MAST4: variants seen among roughly 807,000 people sequenced by gnomAD.
MAST4 encodes the protein microtubule-associated serine/threonine-protein kinase 4.
In MAST4, 89 loss-of-function variants were observed where a neutral mutation model predicts 162.7. The ratio of observed to expected loss-of-function variants is 0.55; its 90% CI spans 0.46 to 0.65. MAST4 has a LOEUF of 0.65. Ranked by LOEUF, MAST4 falls within the 30% of genes least tolerant of loss-of-function variation. The probability of loss-of-function intolerance (pLI) is 0.00; values close to 1 mark genes in which losing one functional copy is unlikely to be tolerated. For synonymous variants in MAST4, 1,479 were observed against 1,361.1 expected (o/e 1.09, Z -1.91); for missense variants, 3,153 against 3,374.0 (o/e 0.93, Z 1.62).
At chr5:67,056,416 A>G (rs748193655) in intron 5 of MAST4, among the ~76,000 whole-genome samples, 14 of 152,170 alleles carry the variant, frequency 9.2e-5, no homozygotes, top group Non-Finnish European at 1.9e-4. Flanking sequence ...TCTGTTTTTT[A>G]GTATATAATT....
chr5:66,841,016 C>G (rs946452211), intron 3 of MAST4, among the ~76,000 whole-genome samples: 1 of 152,246 alleles, frequency 6.6e-6, no homozygotes, highest in East Asian at 1.9e-4. Context: ...GTTGGCCCAC[C>G]ACTTATTGGC....
At chr5:66,703,157 TA>T (rs1218476880) in intron 1 of MAST4, among the ~76,000 whole-genome samples, 1 of 151,244 alleles carries the variant, frequency 6.6e-6, no homozygotes, top group African/African-American at 2.4e-5. Context: ...GGGAGGGGAG[TA>T]GGGGGTAGGA....
intron 1 of MAST4, among the ~76,000 whole-genome samples, chr5:66,742,288 G>A (rs941054045): frequency 6.6e-6 from 1 of 152,128 alleles, no homozygotes; most frequent in Admixed American, 6.5e-5. Context: ...CACACTTCCC[G>A]AGGCGGCCAC....
At chr5:66,969,893 T>C (rs767192892) in intron 4 of MAST4, among the ~76,000 whole-genome samples, 6 of 152,186 alleles carry the variant, frequency 3.9e-5, no homozygotes, top group Non-Finnish European at 8.8e-5. Context: ...ATTGAAAAAA[T>C]CTGAAGATGC....
At chr5:66,701,963 C>T (rs1000699915) in intron 1 of MAST4, among the ~76,000 whole-genome samples, 5 of 152,132 alleles carry the variant, frequency 3.3e-5, no homozygotes, top group African/African-American at 9.7e-5. Flanking sequence ...TTTACATTCA[C>T]TTTTGTCTTT....
intron 5 of MAST4, among the ~76,000 whole-genome samples, chr5:67,080,315 A>G (rs192993545): frequency 7.2e-4 from 109 of 152,312 alleles, no homozygotes; most frequent in African/African-American, 2.5e-3. Flanking sequence ...GAGGGATTTA[A>G]AGACCCTGTC....
intron 1 of MAST4, among the ~76,000 whole-genome samples, chr5:66,643,199 G>A (rs901080476): frequency 6.6e-6 from 1 of 152,116 alleles, no homozygotes; most frequent in Admixed American, 6.5e-5. Flanking sequence ...TGATATGTTT[G>A]TGTTTGCCTC....
At chr5:66,993,325 T>C (rs979968752) in intron 4 of MAST4, among the ~76,000 whole-genome samples, 1 of 152,236 alleles carries the variant, frequency 6.6e-6, no homozygotes, top group African/African-American at 2.4e-5. Flanking sequence ...AAAATGTGTG[T>C]GCAACCATTC....
At position 67,142,256 on chromosome 5, in the gene MAST4, A is replaced by G. The variant is rs370116481; in HGVS notation, c.2617+19A>G. 55 of 1,611,834 alleles carry G rather than the reference A, an allele frequency of 3.4e-5. No homozygotes were observed. In the African/African-American group the frequency reaches 6.5e-4, roughly 19 times the overall value. ...TTTGATAGTATGTGCTTTATCTGAC[A>G]TAAAACATTGTTTGGCCTTTACTCG... On this transcript the variant is annotated intron_variant, in intron 20 of 28. Coordinates refer to ENST00000403625, the MANE Select transcript of MAST4 (RefSeq NM_001164664.2).
chr5:67,042,171 G>GT (rs1293818990), intron 4 of MAST4, among the ~76,000 whole-genome samples: 2 of 152,148 alleles, frequency 1.3e-5, no homozygotes, highest in Non-Finnish European at 2.9e-5. Context: ...ACCTTCTAAT[G>GT]TACCCTGGTT....
At chr5:66,781,503 A>G (rs1403116015) in intron 2 of MAST4, among the ~76,000 whole-genome samples, 1 of 152,062 alleles carries the variant, frequency 6.6e-6, no homozygotes. Flanking sequence ...TAGTCCCTTA[A>G]CTTCTGCAGT....
intron 26 of MAST4, among the ~76,000 whole-genome samples, chr5:67,159,760 G>A (rs1002431545): frequency 1.3e-5 from 2 of 152,172 alleles, no homozygotes; most frequent in African/African-American, 4.8e-5. Flanking sequence ...TCCCAGGATT[G>A]AGAGAAAGGA....
chr5:66,829,717 A>T (rs551803724), intron 3 of MAST4, among the ~76,000 whole-genome samples: 1 of 152,308 alleles, frequency 6.6e-6, no homozygotes, highest in Non-Finnish European at 1.5e-5. Flanking sequence ...TATTAAAAAA[A>T]ATGCTTGGAA....
intron 3 of MAST4, among the ~76,000 whole-genome samples, chr5:66,865,902 C>G (rs1760478434): frequency 6.6e-6 from 1 of 151,890 alleles, no homozygotes. Context: ...TGGTGAAATC[C>G]CATCTTTACC....
intron 3 of MAST4, among the ~76,000 whole-genome samples, chr5:66,897,700 T>C (rs1762773815): frequency 6.6e-6 from 1 of 152,228 alleles, no homozygotes. Flanking sequence ...GCCTATTAAA[T>C]GTCCTTTGCT....
chr5:66,789,249 C>T (rs781764057), intron 3 of MAST4, among the ~76,000 whole-genome samples: 2 of 152,228 alleles, frequency 1.3e-5, no homozygotes, highest in African/African-American at 4.8e-5. Context: ...TTTGAGAGTG[C>T]ATCATCTATA....
chr5:66,905,690 C>A (rs1474720563), intron 4 of MAST4, among the ~76,000 whole-genome samples: 1 of 152,138 alleles, frequency 6.6e-6, no homozygotes, highest in African/African-American at 2.4e-5. Flanking sequence ...ATATAAGACA[C>A]CAATTGATAC....
intron 3 of MAST4, among the ~76,000 whole-genome samples, chr5:66,881,476 C>G (rs942791063): frequency 6.6e-6 from 1 of 152,186 alleles, no homozygotes; most frequent in Non-Finnish European, 1.5e-5. Context: ...TTATTTTTCT[C>G]CTATTTTGCA....
chr5:66,791,080 G>A (rs1391466030), intron 3 of MAST4, among the ~76,000 whole-genome samples: 1 of 152,156 alleles, frequency 6.6e-6, no homozygotes, highest in East Asian at 1.9e-4. Context: ...CTGGAGTGCA[G>A]TAGCACAGTC....
Sources: allele counts gnomAD v4.1 joint callset (sites outside exome capture counted in the v4.1 genomes callset), GRCh38; gene constraint gnomAD v4.1.1; transcripts MANE v1.5; gene names NCBI Gene and HGNC (gene_info 2026-07-23, HGNC 2026-07-21).